The following NEDD4 variants were observed in gnomAD, a reference collection of about 807,000 sequenced individuals.
NEDD4 encodes the protein NEDD4 E3 ubiquitin protein ligase, also known as E3 ubiquitin-protein ligase NEDD4.
In NEDD4, 99 loss-of-function variants were observed where a neutral mutation model predicts 144.9. The observed-to-expected ratio is 0.68, with a 90% confidence interval of 0.58 to 0.81. The LOEUF (loss-of-function observed/expected upper bound fraction) is 0.81, where lower values mean the gene tolerates loss of function less well. Among genes scored for constraint, NEDD4 ranks in the 30% least tolerant of loss-of-function variants. The pLI, the probability that NEDD4 is intolerant of heterozygous loss-of-function variation, is 0.00. For missense variants in NEDD4, 985 were observed against 1,065.9 expected, an observed-to-expected ratio of 0.92 and a Z score of 1.06; for synonymous variants, 318 against 350.6, an observed-to-expected ratio of 0.91 and a Z score of 1.04.
chr15:55,948,807 G>C (rs1339676219), intron 4 of NEDD4, among the ~76,000 whole-genome samples: 3 of 152,174 alleles, frequency 2.0e-5, no homozygotes, highest in African/African-American at 7.2e-5. Flanking sequence ...ATTAATTCAA[G>C]ATGGATTAAA....
intron 5 of NEDD4, among the ~76,000 whole-genome samples, chr15:55,880,449 T>A (rs1184332889): frequency 6.6e-6 from 1 of 150,570 alleles, no homozygotes; most frequent in Non-Finnish European, 1.5e-5. Context: ...TACACAAACC[T>A]GAAATATAAG....
At chr15:55,860,382 G>GT (rs2034350906) in intron 11 of NEDD4, 25 bp downstream of exon 11, 1 of 1,610,548 alleles carries the variant, frequency 6.2e-7, no homozygotes, top group Non-Finnish European at 8.5e-7. Flanking sequence ...TACTGAAGCC[G>GT]TAACAAAATC....
At chr15:55,875,799 G>C (rs1258009813) in intron 5 of NEDD4, among the ~76,000 whole-genome samples, 1 of 152,026 alleles carries the variant, frequency 6.6e-6, no homozygotes, top group Non-Finnish European at 1.5e-5. Flanking sequence ...TGACGTATGT[G>C]TAACTGGAGT....
At chr15:55,924,527 A>G in intron 5 of NEDD4, 119 bp downstream of exon 5, 1 of 785,328 alleles carries the variant, frequency 1.3e-6, no homozygotes, top group Non-Finnish European at 2.1e-6. Context: ...TTTTGCCCAG[A>G]GTCTCCATAA....
chr15:55,837,913 T>C, intron 23 of NEDD4, 64 bp from the exon 24 acceptor site: 2 of 1,360,320 alleles, frequency 1.5e-6, no homozygotes, highest in Non-Finnish European at 1.0e-6. Flanking sequence ...ACAATTATTC[T>C]AGTTAGAAAC....
At chr15:55,917,502 A>C (rs1235422903) in intron 5 of NEDD4, among the ~76,000 whole-genome samples, 1 of 152,132 alleles carries the variant, frequency 6.6e-6, no homozygotes, top group Non-Finnish European at 1.5e-5. Flanking sequence ...ACAGTTAGGT[A>C]AATTTGGAAA....
chr15:55,837,929 C>G, intron 23 of NEDD4, 80 bp from the exon 24 acceptor site: 1 of 1,225,746 alleles, frequency 8.2e-7, no homozygotes, highest in Non-Finnish European at 1.2e-6. Context: ...GAAACAAAAA[C>G]TAAAGGCTAG....
intron 5 of NEDD4, among the ~76,000 whole-genome samples, chr15:55,903,196 T>G (rs1250162811): frequency 6.6e-6 from 1 of 152,168 alleles, no homozygotes; most frequent in African/African-American, 2.4e-5. Flanking sequence ...AATTTTTCCT[T>G]TAGACAACTC....
chr15:55,847,041 T>G lies in NEDD4; in HGVS notation c.1543-7A>C. 1.3e-6 allele frequency: 2 copies of G among 1,571,334 alleles called. No individual in the cohort carries two copies. The highest frequency in any genetic ancestry group is 2.3e-5 in the East Asian group (1 of 44,352). On this transcript the variant is annotated splice_region_variant and splice_polypyrimidine_tract_variant and intron_variant, in intron 17 of 28. Transcript: ENST00000435532. Reference sequence around the variant, plus strand: ...CCCTGGAGTAGGGCACTGCCTTTAGTTGGAAATTTTGGAAAAATAAAGAAG... The same window carrying G: ...CCCTGGAGTAGGGCACTGCCTTTAGGTGGAAATTTTGGAAAAATAAAGAAG...
intron 4 of NEDD4, among the ~76,000 whole-genome samples, chr15:55,932,301 G>A (rs986586763): frequency 1.2e-4 from 18 of 152,284 alleles, no homozygotes; most frequent in Admixed American, 2.0e-4. Context: ...AAACAGCATG[G>A]TACTGGTACC....
chr15:55,962,552 T>C (rs2037443462), intron 2 of NEDD4, among the ~76,000 whole-genome samples: 1 of 152,180 alleles, frequency 6.6e-6, no homozygotes, highest in Admixed American at 6.5e-5. Flanking sequence ...CAAGCAATTC[T>C]CCTGCCTCAG....
chr15:55,950,657 C>T (rs992087512), intron 4 of NEDD4, among the ~76,000 whole-genome samples: 4 of 152,086 alleles, frequency 2.6e-5, no homozygotes, highest in Non-Finnish European at 5.9e-5. Context: ...GGTTAACGAG[C>T]GTCCCGGAGA....
chr15:55,887,053 C>A (rs979274906), intron 5 of NEDD4, among the ~76,000 whole-genome samples: 2 of 150,024 alleles, frequency 1.3e-5, no homozygotes, highest in Admixed American at 6.6e-5. Flanking sequence ...AAAAAAAAAA[C>A]TTCAAATAAA....
At chr15:55,844,807 AT>A (rs56088235) in intron 18 of NEDD4, among the ~76,000 whole-genome samples, 53,524 of 138,596 alleles carry the variant, frequency 0.39, 9,882 homozygotes, top group Non-Finnish European at 0.45. Context: ...CCGGTTTTCA[AT>A]TTTTTTTTTT....
chr15:55,931,510 AG>A (rs2036781024), intron 4 of NEDD4, among the ~76,000 whole-genome samples: 1 of 152,228 alleles, frequency 6.6e-6, no homozygotes, highest in South Asian at 2.1e-4. Flanking sequence ...GAAAGGCAAA[AG>A]CAGAAAAAAA....
chr15:55,969,613 C>A (rs559099145), intron 1 of NEDD4, among the ~76,000 whole-genome samples: 2 of 152,018 alleles, frequency 1.3e-5, no homozygotes, highest in Non-Finnish European at 2.9e-5. Context: ...TCCTGAAGCC[C>A]CCATTCTAGG....
At chr15:55,947,714 C>G (rs1466710827) in intron 4 of NEDD4, among the ~76,000 whole-genome samples, 24 of 152,122 alleles carry the variant, frequency 1.6e-4, no homozygotes, top group Non-Finnish European at 3.1e-4. Context: ...ATGATTATCT[C>G]AATAGATGCA....
intron 5 of NEDD4, among the ~76,000 whole-genome samples, chr15:55,883,164 T>G (rs910083594): frequency 6.6e-6 from 1 of 152,072 alleles, no homozygotes; most frequent in South Asian, 2.1e-4. Flanking sequence ...CACTTCTCAG[T>G]AGAGTGAATT....
chr15:55,832,710 C>T (rs534993037), intron 27 of NEDD4, among the ~76,000 whole-genome samples: 1 of 152,116 alleles, frequency 6.6e-6, no homozygotes, highest in Non-Finnish European at 1.5e-5. Flanking sequence ...CCACCCCTCC[C>T]GGCCAAGGTA....
Sources: allele counts gnomAD v4.1 joint callset (sites outside exome capture counted in the v4.1 genomes callset), GRCh38; gene constraint gnomAD v4.1.1; transcripts MANE v1.5; gene names NCBI Gene and HGNC (gene_info 2026-07-23, HGNC 2026-07-21).